The following PANX1 variants were observed in gnomAD, a reference collection of about 807,000 sequenced individuals.
PANX1 encodes pannexin 1.
Under a neutral mutation model 38.7 loss-of-function variants are expected in PANX1, and 30 were observed. The observed-to-expected ratio is 0.78, with a 90% CI of 0.58 to 1.05. PANX1 has a LOEUF of 1.05. Ranked by LOEUF, PANX1 falls within the 50% of genes least tolerant of loss-of-function variation. The pLI, the probability that PANX1 is intolerant of heterozygous loss-of-function variation, is 0.00. For synonymous variants in PANX1, 230 were observed against 212.2 expected, an observed-to-expected ratio of 1.08 and a Z score of -0.73; for missense variants, 551 against 517.2, an observed-to-expected ratio of 1.07 and a Z score of -0.63.
chr11:94,136,310 G>A (rs927225637), intron 1 of PANX1, among the ~76,000 whole-genome samples: 1 of 152,074 alleles, frequency 6.6e-6, no homozygotes, highest in African/African-American at 2.4e-5. Flanking sequence ...AGAAAGAAAG[G>A]GCCTCCTTCA....
chr11:94,161,718 A>G (rs1373850414), intron 2 of PANX1, among the ~76,000 whole-genome samples: 4 of 152,030 alleles, frequency 2.6e-5, no homozygotes, highest in African/African-American at 4.8e-5. Flanking sequence ...TCTTCTCTCA[A>G]TTCGTCAAAG....
At chr11:94,155,363 A>G (rs1027624795) in intron 2 of PANX1, among the ~76,000 whole-genome samples, 2 of 151,510 alleles carry the variant, frequency 1.3e-5, no homozygotes, top group Non-Finnish European at 2.9e-5. Flanking sequence ...AAAAAAAAAA[A>G]AAAAGCCAGG....
chr11:94,133,214 T>C (rs1591502232), intron 1 of PANX1, among the ~76,000 whole-genome samples: 1 of 152,188 alleles, frequency 6.6e-6, no homozygotes, highest in Non-Finnish European at 1.5e-5. Context: ...TTCACGCAGG[T>C]CCTGCATGGT....
At chr11:94,157,769 G>T (rs543100284) in intron 2 of PANX1, among the ~76,000 whole-genome samples, 68 of 152,180 alleles carry the variant, frequency 4.5e-4, no homozygotes, top group South Asian at 1.2e-3. Flanking sequence ...GTCAATTTTG[G>T]CTTTTGTTGC....
At position 94,129,125 on chromosome 11, in the gene PANX1, G is replaced by C; in HGVS notation, c.-188G>C. The stretch of plus-strand genomic sequence containing the variant: ...CCGCCCCGCCGGCGGCGGAGGCAGC[G>C]AGCGCGAGAGCCCAGCGGAGTCGCT... On this transcript the variant is annotated 5_prime_UTR_variant, in exon 1 of 5. Transcript: ENST00000227638. 1 of 458,668 alleles carries C rather than the reference G, an allele frequency of 2.2e-6. No homozygotes were observed. 28.4% of individuals were successfully genotyped at this position (458,668 alleles called of 1,614,324 possible).
chr11:94,160,469 A>C (rs933175015), intron 2 of PANX1, among the ~76,000 whole-genome samples: 3 of 151,982 alleles, frequency 2.0e-5, no homozygotes, highest in African/African-American at 7.3e-5. Flanking sequence ...GATCCCTTTC[A>C]CATTATGTAA....
At chr11:94,161,828 T>G (rs1947041120) in intron 2 of PANX1, among the ~76,000 whole-genome samples, 1 of 152,138 alleles carries the variant, frequency 6.6e-6, no homozygotes, top group Non-Finnish European at 1.5e-5. Flanking sequence ...TTCTGCTCTG[T>G]TTTTTCCCCA....
chr11:94,150,502 A>T (rs901535441), intron 1 of PANX1, among the ~76,000 whole-genome samples: 1 of 152,206 alleles, frequency 6.6e-6, no homozygotes, highest in African/African-American at 2.4e-5. Context: ...ATACATTTGA[A>T]AAAATGAATC....
intron 1 of PANX1, among the ~76,000 whole-genome samples, chr11:94,136,205 A>C (rs956346074): frequency 1.3e-5 from 2 of 152,138 alleles, no homozygotes; most frequent in Non-Finnish European, 2.9e-5. Context: ...AGAAAAAAAA[A>C]AACCACTGCC....
intron 2 of PANX1, among the ~76,000 whole-genome samples, chr11:94,161,876 G>T (rs1379509828): frequency 6.6e-6 from 1 of 152,098 alleles, no homozygotes; most frequent in Non-Finnish European, 1.5e-5. Context: ...TTTGATGATG[G>T]TGATGTACAG....
chr11:94,129,865 A>C (rs1235508176), intron 1 of PANX1, among the ~76,000 whole-genome samples: 3 of 152,128 alleles, frequency 2.0e-5, no homozygotes, highest in Non-Finnish European at 4.4e-5. Context: ...AAAATTTTAC[A>C]CCAGAGAAGT....
At chr11:94,168,091 C>A (rs919267175) in intron 2 of PANX1, among the ~76,000 whole-genome samples, 4 of 151,236 alleles carry the variant, frequency 2.6e-5, no homozygotes, top group African/African-American at 9.7e-5. Context: ...GATGATTAGA[C>A]AATTTCTTCA....
At chr11:94,151,211 C>G (rs946468184) in intron 1 of PANX1, among the ~76,000 whole-genome samples, 2 of 152,266 alleles carry the variant, frequency 1.3e-5, no homozygotes, top group African/African-American at 2.4e-5. Flanking sequence ...TTAAGAGCTT[C>G]ACATGTTTCT....
chr11:94,160,046 G>C (rs371785032), intron 2 of PANX1, among the ~76,000 whole-genome samples: 2 of 152,098 alleles, frequency 1.3e-5, no homozygotes, highest in South Asian at 2.1e-4. Flanking sequence ...TTTTGAGTCA[G>C]TTTCTTAATC....
chr11:94,174,252 G>C (rs143213454), intron 2 of PANX1, among the ~76,000 whole-genome samples: 34 of 151,456 alleles, frequency 2.2e-4, no homozygotes, highest in Middle Eastern at 6.8e-3. Context: ...TTAGGGTTGG[G>C]GGGCAGTATT....
intron 1 of PANX1, among the ~76,000 whole-genome samples, chr11:94,149,922 T>C (rs1340163867): frequency 6.6e-6 from 1 of 152,240 alleles, no homozygotes; most frequent in Non-Finnish European, 1.5e-5. Flanking sequence ...AGAGACAGAA[T>C]ATGTCTTGCC....
intron 2 of PANX1, among the ~76,000 whole-genome samples, chr11:94,155,236 G>A (rs1051107208): frequency 4.6e-5 from 7 of 152,032 alleles, no homozygotes; most frequent in Non-Finnish European, 1.0e-4. Context: ...TGTAATCCCA[G>A]CTACTCGGGA....
rs191321977 is a variant in PANX1, at chr11:94,160,398, T to A, written c.321+6768T>A. On this transcript the variant is annotated intron_variant, in intron 2 of 4. Coordinates refer to ENST00000227638, the MANE Select transcript of PANX1 (RefSeq NM_015368.4). The stretch of plus-strand genomic sequence containing the variant: ...GGTCTCTAAGGACTGGCTTTATGAA[T>A]CTGGGGGCTCCTGTATTGGGTGCAT... Among the ~76,000 whole-genome samples the A allele has an allele frequency of 3.2e-3, 495 of 152,310 alleles. 4 individuals carry two copies. Among genetic ancestry groups the A allele is most frequent in the African/African-American group, 0.011 (458 of 41,554 alleles).
chr11:94,161,193 A>G (rs1591518414), intron 2 of PANX1, among the ~76,000 whole-genome samples: 1 of 152,084 alleles, frequency 6.6e-6, no homozygotes, highest in South Asian at 2.1e-4. Flanking sequence ...GAATCTGACA[A>G]TTATGTGTCT....
Sources: gnomAD v4.1 joint callset for allele counts (sites outside exome capture counted in the v4.1 genomes callset) on GRCh38, gnomAD v4.1.1 for gene constraint, MANE v1.5 for transcripts, NCBI Gene and HGNC (gene_info 2026-07-23, HGNC 2026-07-21) for gene names.